Variants in TNRC6A observed in about 807,000 individuals in gnomAD.
TNRC6A encodes the protein trinucleotide repeat containing adaptor 6A, also known as trinucleotide repeat-containing gene 6A protein.
TNRC6A carries 44 observed loss-of-function variants against 221.2 expected under a neutral mutation model. The ratio of observed to expected loss-of-function variants is 0.20; its 90% confidence interval spans 0.16 to 0.26. TNRC6A has a LOEUF of 0.26. Among genes scored for constraint, TNRC6A ranks in the 10% least tolerant of loss-of-function variants. TNRC6A has a pLI of 1.00. For missense variants in TNRC6A, 2,199 were observed against 2,404.4 expected, an observed-to-expected ratio of 0.91 and a Z score of 1.79; for synonymous variants, 847 against 838.5, an observed-to-expected ratio of 1.01 and a Z score of -0.18.
At chr16:24,682,480 G>A (rs1023607076) in intron 2 of TNRC6A, among the ~76,000 whole-genome samples, 1 of 150,052 alleles carries the variant, frequency 6.7e-6, no homozygotes, top group Non-Finnish European at 1.5e-5. Flanking sequence ...TGCCTGCCTC[G>A]GCCTCCCTAA....
intron 2 of TNRC6A, among the ~76,000 whole-genome samples, chr16:24,654,299 A>G (rs1271861939): frequency 6.6e-6 from 1 of 152,230 alleles, no homozygotes. Context: ...GCCAGAATGC[A>G]TAATCAAACT....
chr16:24,611,674 A>G (rs1426434712), intron 1 of TNRC6A, among the ~76,000 whole-genome samples: 1 of 152,238 alleles, frequency 6.6e-6, no homozygotes, highest in Admixed American at 6.5e-5. Context: ...AGTTCAATGT[A>G]ATTGCAGTGG....
chr16:24,680,671 C>G (rs1470630998), intron 2 of TNRC6A, among the ~76,000 whole-genome samples: 1 of 149,498 alleles, frequency 6.7e-6, no homozygotes, highest in East Asian at 2.0e-4. Context: ...AGCCAGTATC[C>G]TGCCACTGCA....
At chr16:24,698,149 G>A (rs760530627) in intron 2 of TNRC6A, among the ~76,000 whole-genome samples, 4 of 151,994 alleles carry the variant, frequency 2.6e-5, no homozygotes, top group African/African-American at 7.2e-5. Context: ...GCAACATAGC[G>A]AGACCCCGAC....
In TNRC6A at chr16:24,668,189, G is replaced by A. The variant is rs568806379; in HGVS notation, n.402+27180G>A. Among the ~76,000 whole-genome samples, 7 of 151,722 alleles carry A rather than the reference G, an allele frequency of 4.6e-5. No individual in the cohort carries two copies. The East Asian group carries it at 5.8e-4, about 13-fold the overall frequency. ...CTAAAAGTACAAAAATTAGCCAGGC[G>A]TGGTGGCGCATGCCTGTAATCCCAG... On this transcript the variant is annotated intron_variant and non_coding_transcript_variant, in intron 2 of 2. Coordinates refer to the TNRC6A transcript ENST00000566108.
In TNRC6A at chr16:24,789,554, G is replaced by A. The variant is rs772853611; in HGVS notation, c.912G>A (p.Val304=). 6.2e-7 allele frequency: 1 copy of A among 1,614,106 alleles called. No homozygotes were observed. Among genetic ancestry groups the A allele is most frequent in the South Asian group, 1.1e-5 (1 of 91,078 alleles). ...TAGTTGGTAGCAGCAGCAATAATGT[G>A]GGCCATGGAAGTAGTACTGGGCCAT... ...KFVVGSSSNN[V]GHGSSTGPWG... Residue 304 remains valine, a synonymous_variant, in exon 6 of 25, where the codon GTG becomes GTA. Transcript: ENST00000395799.
intron 2 of TNRC6A, among the ~76,000 whole-genome samples, chr16:24,670,278 A>G (rs1014935682): frequency 1.3e-5 from 2 of 151,916 alleles, no homozygotes; most frequent in Non-Finnish European, 2.9e-5. Flanking sequence ...CATTTTACAG[A>G]TGAGGACATT....
chr16:24,804,891 T>C, intron 13 of TNRC6A, 40 bp downstream of exon 13: 2 of 1,613,430 alleles, frequency 1.2e-6, no homozygotes, highest in Non-Finnish European at 1.7e-6. Context: ...AGTTGAATGA[T>C]TTGTATTAGT....
intron 2 of TNRC6A, among the ~76,000 whole-genome samples, chr16:24,749,684 T>C (rs1187972133): frequency 6.6e-6 from 1 of 152,216 alleles, no homozygotes; most frequent in Non-Finnish European, 1.5e-5. Context: ...ATTCATTTGC[T>C]TTGAATAGAA....
At chr16:24,684,649 T>C (rs2055592394) in intron 2 of TNRC6A, among the ~76,000 whole-genome samples, 2 of 151,478 alleles carry the variant, frequency 1.3e-5, no homozygotes, top group Admixed American at 1.3e-4. Flanking sequence ...CTACAAAAAA[T>C]TTAAAAATCG....
At chr16:24,618,165 C>G (rs1274019848) in intron 1 of TNRC6A, among the ~76,000 whole-genome samples, 1 of 152,154 alleles carries the variant, frequency 6.6e-6, no homozygotes, top group Non-Finnish European at 1.5e-5. Context: ...AAGTGATCTG[C>G]CCGCATCAGC....
chr16:24,639,940 A>C (rs887347365), intron 1 of TNRC6A, among the ~76,000 whole-genome samples: 1 of 152,184 alleles, frequency 6.6e-6, no homozygotes, highest in African/African-American at 2.4e-5. Flanking sequence ...CACATGCATA[A>C]GCCATGGCAC....
intron 1 of TNRC6A, among the ~76,000 whole-genome samples, chr16:24,627,458 AAATT>A (rs1901080529): frequency 6.6e-6 from 1 of 151,882 alleles, no homozygotes; most frequent in African/African-American, 2.4e-5. Context: ...GGGCCCTGTA[AAATT>A]AATTAATTAT....
At position 24,818,662 on chromosome 16, in the gene TNRC6A, A is replaced by G. The variant is rs144942653; in HGVS notation, c.5042A>G (p.Tyr1681Cys). Reference protein sequence around the residue: ...SAWSSIRASNYNVPLSSTAQS... With the variant: ...SAWSSIRASNCNVPLSSTAQS... ...TGGTCATCCATTCGTGCCTCCAACT[A>G]CAACGTTCCCCTCAGCAGTACAGCA... Residue 1681 changes from tyrosine to cysteine, a missense_variant, in exon 21 of 25, where the codon TAC (tyrosine) becomes TGC (cysteine). Around this residue, in one of 8 missense-constraint regions of TNRC6A, gnomAD observed 449 missense variants for 579.7 expected, o/e 0.77. Coordinates refer to ENST00000395799, the MANE Select transcript of TNRC6A (RefSeq NM_014494.4). The G allele has an allele frequency of 1.3e-4, 211 of 1,613,958 alleles. No individual in the cohort carries two copies. Among genetic ancestry groups the G allele is most frequent in the Non-Finnish European group, 1.7e-4 (203 of 1,180,002 alleles).
intron 5 of TNRC6A, among the ~76,000 whole-genome samples, chr16:24,784,816 T>G (rs1404697529): frequency 1.3e-5 from 2 of 152,156 alleles, no homozygotes; most frequent in African/African-American, 4.8e-5. Flanking sequence ...CTGAGAACAT[T>G]TTTCACTAAC....
In TNRC6A at chr16:24,823,787, G is replaced by T; in HGVS notation, c.5869G>T (p.Gly1957Trp). Residue 1957 changes from glycine to tryptophan, a missense_variant, in exon 25 of 25, where the codon GGG becomes TGG. By Grantham distance (184) the Gly-to-Trp change is radical. Transcript: ENST00000395799. The surrounding 1 kb of genome is among the most constrained non-coding windows in gnomAD (Gnocchi z 4.3). ...NAFLSVDHLG[G>W]GGESM ...TTTTCTTTCTGTTGACCACCTGGGTGGGGGTGGAGAGTCCATGTAACAGTG... is the reference window on the plus strand; with the variant it reads ...TTTTCTTTCTGTTGACCACCTGGGTTGGGGTGGAGAGTCCATGTAACAGTG... The T allele has an allele frequency of 2.0e-6, 3 of 1,476,060 alleles. No homozygotes were observed. Among genetic ancestry groups the T allele is most frequent in the Non-Finnish European group, 2.7e-6 (3 of 1,112,888 alleles). 91.4% of individuals were successfully genotyped at this position (1,476,060 alleles called of 1,614,324 possible).
At chr16:24,677,910 C>A (rs1336465098) in intron 2 of TNRC6A, among the ~76,000 whole-genome samples, 1 of 152,108 alleles carries the variant, frequency 6.6e-6, no homozygotes, top group Non-Finnish European at 1.5e-5. Flanking sequence ...TGGTAGGTGT[C>A]CTGCAAGATG....
At chr16:24,688,034 G>A (rs1463141600) in intron 2 of TNRC6A, among the ~76,000 whole-genome samples, 2 of 148,490 alleles carry the variant, frequency 1.3e-5, no homozygotes, top group African/African-American at 5.0e-5. Context: ...CTGGGTTCAC[G>A]CCATTCTCCT....
intron 1 of TNRC6A, among the ~76,000 whole-genome samples, chr16:24,628,442 A>C (rs1029553392): frequency 6.6e-6 from 1 of 151,994 alleles, no homozygotes; most frequent in Non-Finnish European, 1.5e-5. Flanking sequence ...AAAGAAAAAA[A>C]AAAGTTATAC....
Sources: allele counts gnomAD v4.1 joint callset (sites outside exome capture counted in the v4.1 genomes callset), GRCh38; gene constraint gnomAD v4.1.1; regional missense constraint gnomAD v4.1.1; non-coding constraint Gnocchi (gnomAD v3.1); transcripts MANE v1.5; gene names NCBI Gene and HGNC (gene_info 2026-07-23, HGNC 2026-07-21).